Variants in PTPRN2 observed in about 807,000 individuals in gnomAD.
PTPRN2 encodes protein tyrosine phosphatase receptor type N2, also known as receptor-type tyrosine-protein phosphatase N2.
Under a neutral mutation model 118.8 loss-of-function variants are expected in PTPRN2, and 74 were observed. The ratio of observed to expected loss-of-function variants is 0.62; its 90% CI spans 0.52 to 0.76. The LOEUF (loss-of-function observed/expected upper bound fraction) is 0.76. Among genes scored for constraint, PTPRN2 ranks in the 30% least tolerant of loss-of-function variants. The probability of loss-of-function intolerance (pLI) is 0.00; values close to 1 mark genes in which losing one functional copy is unlikely to be tolerated. For missense variants in PTPRN2, 1,481 were observed against 1,394.4 expected (o/e 1.06, Z -0.99); for synonymous variants, 641 against 608.0 (o/e 1.05, Z -0.80).
In PTPRN2 at chr7:157,711,501, G is replaced by T. The variant is rs1287409869; in HGVS notation, c.1789-28564C>A. On this transcript the variant is annotated intron_variant, in intron 12 of 22. Transcript: ENST00000389418. ...CTGTCTGTGCTCCCCTGCAGCCCGG[G>T]GGAGTCCTGGCCCTTCACCACGTGG... Among the ~76,000 whole-genome samples the T allele has an allele frequency of 2.6e-5, 4 of 152,226 alleles. No individual in the cohort carries two copies. In the East Asian group the frequency reaches 7.7e-4, roughly 29 times the overall value.
intron 1 of PTPRN2, among the ~76,000 whole-genome samples, chr7:158,571,707 G>A (rs988284101): frequency 5.9e-5 from 9 of 151,582 alleles, no homozygotes; most frequent in African/African-American, 1.5e-4. Flanking sequence ...GGGGTCTTGC[G>A]TTACTTCTCC....
intron 12 of PTPRN2, among the ~76,000 whole-genome samples, chr7:157,789,554 G>C (rs1019259812): frequency 6.6e-6 from 1 of 152,260 alleles, no homozygotes; most frequent in Non-Finnish European, 1.5e-5. Context: ...CTGACAACAA[G>C]GGAATTCAGC....
chr7:158,169,919 T>G (rs1363678025), intron 5 of PTPRN2, among the ~76,000 whole-genome samples: 1 of 152,032 alleles, frequency 6.6e-6, no homozygotes, highest in East Asian at 1.9e-4. Context: ...CTCGAACTCC[T>G]GACCTCAAGT....
intron 2 of PTPRN2, among the ~76,000 whole-genome samples, chr7:158,472,300 C>T (rs927246990): frequency 1.3e-5 from 2 of 152,152 alleles, no homozygotes; most frequent in Non-Finnish European, 1.5e-5. Context: ...GGAAGACGCC[C>T]GATCAGTGTG....
intron 12 of PTPRN2, among the ~76,000 whole-genome samples, chr7:157,790,462 G>A (rs572353468): frequency 3.3e-5 from 5 of 152,182 alleles, no homozygotes; most frequent in South Asian, 4.1e-4. Context: ...CGTGTTTTGC[G>A]TGAAGATCAG....
chr7:157,980,325 C>T (rs541540241), intron 11 of PTPRN2, among the ~76,000 whole-genome samples: 1 of 152,330 alleles, frequency 6.6e-6, no homozygotes, highest in Non-Finnish European at 1.5e-5. Flanking sequence ...TGTCAACTTA[C>T]AGGGAAGAAC....
rs142419837 is a variant in PTPRN2, at chr7:158,086,136, T to C, written c.1644-4759A>G. Among the ~76,000 whole-genome samples the C allele has an allele frequency of 2.7e-3, 405 of 152,286 alleles. 2 individuals are homozygous for C. Among genetic ancestry groups the C allele is most frequent in the African/African-American group, 9.3e-3 (386 of 41,564 alleles). On this transcript the variant is annotated intron_variant, in intron 10 of 22. Transcript: ENST00000389418. ...GCGCTCCTTACACAGTGCTCACCTA[T>C]CTAATTACAGACCTGCTTAGAAATT...
intron 13 of PTPRN2, among the ~76,000 whole-genome samples, chr7:157,668,556 G>A: frequency 6.6e-6 from 1 of 152,220 alleles, no homozygotes; most frequent in East Asian, 1.9e-4. Context: ...GCTCTGCTGG[G>A]GAGGAATAAA....
At chr7:157,607,217 C>T (rs1802054952) in intron 15 of PTPRN2, among the ~76,000 whole-genome samples, 1 of 152,206 alleles carries the variant, frequency 6.6e-6, no homozygotes, top group Non-Finnish European at 1.5e-5. Flanking sequence ...TCTGAACACC[C>T]CACACACACT....
intron 16 of PTPRN2, among the ~76,000 whole-genome samples, chr7:157,597,866 A>G (rs192237779): frequency 9.9e-4 from 151 of 152,352 alleles, no homozygotes; most frequent in African/African-American, 3.5e-3. Flanking sequence ...GAGTGGTGAC[A>G]TGTGTCATCG....
chr7:157,993,700 C>G (rs1804429998), intron 11 of PTPRN2, among the ~76,000 whole-genome samples: 1 of 152,194 alleles, frequency 6.6e-6, no homozygotes. Context: ...AGAGCCACCC[C>G]CAACCCAGCA....
chr7:158,024,022 T>G (rs1474896872), intron 11 of PTPRN2, among the ~76,000 whole-genome samples: 1 of 152,182 alleles, frequency 6.6e-6, no homozygotes, highest in Non-Finnish European at 1.5e-5. Context: ...CAAACAGAGC[T>G]GCTAACCACT....
At chr7:158,557,814 T>G (rs1329148812) in intron 1 of PTPRN2, among the ~76,000 whole-genome samples, 1 of 152,160 alleles carries the variant, frequency 6.6e-6, no homozygotes, top group Non-Finnish European at 1.5e-5. Context: ...CTTGGGACCC[T>G]CACACTGACT....
Position 157,578,047 on chromosome 7 carries a change from C to A in PTPRN2, c.2590G>T (p.Gly864Cys), listed in dbSNP as rs1311400699. Residue 864 changes from glycine (G) to cysteine (C), a missense_variant, in exon 18 of 23, where the codon GGC becomes TGC. Transcript: ENST00000389418. ...TCATAGATGTGGTAGAGATTGGAGCCTTCATCCGGCCAGTAGTGGTAGCAC... is the reference window on the plus strand; with the variant it reads ...TCATAGATGTGGTAGAGATTGGAGCATTCATCCGGCCAGTAGTGGTAGCAC... Reference protein sequence around the residue: ...RQCYHYWPDEGSNLYHIYEVN... With the variant: ...RQCYHYWPDECSNLYHIYEVN... The A allele has an allele frequency of 1.5e-5, 24 of 1,612,974 alleles. No individual in the cohort carries two copies. Among genetic ancestry groups the A allele is most frequent in the Non-Finnish European group, 2.0e-5 (24 of 1,179,312 alleles).
intron 22 of PTPRN2, among the ~76,000 whole-genome samples, chr7:157,548,022 G>A (rs191858331): frequency 1.3e-5 from 2 of 152,336 alleles, no homozygotes; most frequent in Admixed American, 1.3e-4. Flanking sequence ...TGGTCACTGC[G>A]CTGTGGTTAT....
chr7:157,553,570 A>G (rs536991026), intron 21 of PTPRN2, among the ~76,000 whole-genome samples: 171 of 152,312 alleles, frequency 1.1e-3, no homozygotes, highest in African/African-American at 4.0e-3. Flanking sequence ...GGAAAAGTGA[A>G]AAAAGGGAAG....
At chr7:157,858,082 G>A (rs765033631) in intron 12 of PTPRN2, among the ~76,000 whole-genome samples, 5 of 88,400 alleles carry the variant, frequency 5.7e-5, no homozygotes, top group Admixed American at 2.1e-4. Flanking sequence ...GGAGAACCCC[G>A]TCACCACCCA....
chr7:157,785,540 T>C lies in PTPRN2; in HGVS notation c.1789-102603A>G, dbSNP rs1454326121. On this transcript the variant is annotated intron_variant, in intron 12 of 22. Transcript: ENST00000389418. The surrounding 1 kb of genome is among the most constrained non-coding windows in gnomAD (Gnocchi z 7.3). ...GCGCCTGCGACCTGCCTGGGTGCCA[T>C]CCGCAAACCTGGTCTCTGCTGAAAT... is the stretch of plus-strand genomic sequence containing the variant. Among the ~76,000 whole-genome samples, 1 of 151,936 alleles carries C rather than the reference T, an allele frequency of 6.6e-6. No individual in the cohort carries two copies. The highest frequency in any genetic ancestry group is 2.4e-5 in the African/African-American group (1 of 41,370).
At chr7:157,786,447 C>T (rs139260216) in intron 12 of PTPRN2, among the ~76,000 whole-genome samples, 6 of 152,368 alleles carry the variant, frequency 3.9e-5, no homozygotes, top group Non-Finnish European at 7.3e-5. Context: ...CTGTGATCTT[C>T]GTCCCATTCA....
Sources: allele counts gnomAD v4.1 joint callset (sites outside exome capture counted in the v4.1 genomes callset), GRCh38; gene constraint gnomAD v4.1.1; non-coding constraint Gnocchi (gnomAD v3.1); transcripts MANE v1.5; gene names NCBI Gene and HGNC (gene_info 2026-07-23, HGNC 2026-07-21).